The following LAMA3 variants were observed in gnomAD, a reference collection of about 807,000 sequenced individuals.
LAMA3 encodes the protein laminin subunit alpha-3.
In LAMA3, 281 loss-of-function variants were observed where a neutral mutation model predicts 402.0. That is an observed-to-expected ratio of 0.70 (90% confidence interval 0.63 to 0.77). LAMA3 has a LOEUF of 0.77. Among genes scored for constraint, LAMA3 ranks in the 30% least tolerant of loss-of-function variants. The probability of loss-of-function intolerance (pLI) is 0.00; values close to 1 mark genes in which losing one functional copy is unlikely to be tolerated. For missense variants in LAMA3, 3,840 were observed against 4,215.5 expected (o/e 0.91, Z 2.47); for synonymous variants, 1,431 against 1,558.4 (o/e 0.92, Z 1.93).
At chr18:23,924,379 T>TGAGCTCAG (rs1422447258) in intron 62 of LAMA3, among the ~76,000 whole-genome samples, 11 of 151,974 alleles carry the variant, frequency 7.2e-5, no homozygotes, top group Admixed American at 3.9e-4. Context: ...CTTGAACTCC[T>TGAGCTCAG]GAGCTCAGGT....
intron 11 of LAMA3, among the ~76,000 whole-genome samples, chr18:23,780,797 G>C (rs1004887124): frequency 1.3e-5 from 2 of 152,146 alleles, no homozygotes; most frequent in African/African-American, 4.8e-5. Flanking sequence ...AATGTTGAAG[G>C]ATCTATTCTG....
intron 1 of LAMA3, among the ~76,000 whole-genome samples, chr18:23,699,307 A>T (rs2060749060): frequency 6.6e-6 from 1 of 152,160 alleles, no homozygotes; most frequent in Non-Finnish European, 1.5e-5. Flanking sequence ...ATTTCACTTT[A>T]TTTTTGTATG....
intron 26 of LAMA3, 36 bp downstream of exon 26, chr18:23,838,914 C>G: frequency 8.4e-7 from 1 of 1,186,140 alleles, no homozygotes; most frequent in East Asian, 2.3e-5. Flanking sequence ...CGTTCATGTT[C>G]TGAGTGATAC....
chr18:23,758,447 C>T lies in LAMA3; in HGVS notation c.999C>T (p.Cys333=), dbSNP rs1473377036. Residue 333 remains cysteine, a synonymous_variant, in exon 7 of 75, where the codon TGC becomes TGT. Coordinates refer to ENST00000313654, the MANE Select transcript of LAMA3 (RefSeq NM_198129.4). ...CCTGTGGGGAGACGTGTGATCGCTG[C>T]TGCACAGGGTACAATCAGAGGCGCT... is the stretch of plus-strand genomic sequence containing the variant. The part of the protein sequence containing the change: ...HHTCGETCDR[C]CTGYNQRRWR... The T allele has an allele frequency of 5.6e-6, 9 of 1,614,090 alleles. No individual in the cohort carries two copies. The East Asian group carries it at 2.0e-4, about 36-fold the overall frequency.
intron 13 of LAMA3, among the ~76,000 whole-genome samples, chr18:23,811,294 A>ATCTTC (rs1231657959): frequency 1.3e-5 from 2 of 152,144 alleles, no homozygotes; most frequent in Non-Finnish European, 1.5e-5. Flanking sequence ...TGCTACTGTG[A>ATCTTC]AGAGGTGTTT....
At chr18:23,798,550 C>T (rs2062810832) in intron 12 of LAMA3, among the ~76,000 whole-genome samples, 1 of 152,192 alleles carries the variant, frequency 6.6e-6, no homozygotes, top group Non-Finnish European at 1.5e-5. Flanking sequence ...GAGAAGCTCC[C>T]AGCCTTTCCA....
chr18:23,741,058 A>G (rs1329149075), intron 2 of LAMA3, among the ~76,000 whole-genome samples: 3 of 151,278 alleles, frequency 2.0e-5, no homozygotes, highest in Non-Finnish European at 2.9e-5. Flanking sequence ...GGTTCACGCC[A>G]TTCTCCTGCC....
At chr18:23,796,125 G>A in intron 12 of LAMA3, 1 of 426,992 alleles carries the variant, frequency 2.3e-6, no homozygotes, top group Admixed American at 2.6e-5. Flanking sequence ...TCCAGAACTG[G>A]AGAAATAAAT....
At chr18:23,695,428 G>A (rs1386421513) in intron 1 of LAMA3, among the ~76,000 whole-genome samples, 1 of 152,032 alleles carries the variant, frequency 6.6e-6, no homozygotes, top group Non-Finnish European at 1.5e-5. Flanking sequence ...TAGGGTCCTG[G>A]TTTGTGAGAC....
intron 18 of LAMA3, among the ~76,000 whole-genome samples, chr18:23,818,049 G>A (rs113825266): frequency 1.4e-3 from 209 of 152,272 alleles, no homozygotes; most frequent in African/African-American, 4.6e-3. Context: ...CAGCTACTCT[G>A]GAGGCTGAGG....
At chr18:23,887,702 G>A (rs1200007751) in intron 41 of LAMA3, among the ~76,000 whole-genome samples, 1 of 152,212 alleles carries the variant, frequency 6.6e-6, no homozygotes, top group Admixed American at 6.5e-5. Flanking sequence ...TATAGATTAT[G>A]CAGGAGACTA....
chr18:23,735,161 T>C (rs529009936), intron 2 of LAMA3, among the ~76,000 whole-genome samples: 38 of 152,294 alleles, frequency 2.5e-4, no homozygotes, highest in Non-Finnish European at 2.1e-4. Flanking sequence ...GGCAATTGCA[T>C]TTATGAGGCT....
At chr18:23,939,468 C>A in intron 68 of LAMA3, 82 bp downstream of exon 68, 1 of 1,369,108 alleles carries the variant, frequency 7.3e-7, no homozygotes, top group Non-Finnish European at 1.0e-6. Context: ...ACTGCCATGA[C>A]ACCATGCAGC....
At chr18:23,703,901 G>C (rs1354902725) in intron 1 of LAMA3, among the ~76,000 whole-genome samples, 2 of 152,192 alleles carry the variant, frequency 1.3e-5, no homozygotes, top group Non-Finnish European at 2.9e-5. Context: ...ACACCTAAAT[G>C]CCTTTGTGAC....
In LAMA3 at chr18:23,916,630, C is replaced by T. The variant is rs368840701; in HGVS notation, c.7858C>T (p.Pro2620Ser). 1 of 1,613,990 alleles carries T rather than the reference C, an allele frequency of 6.2e-7. No homozygotes were observed. Among genetic ancestry groups the T allele is most frequent in the Non-Finnish European group, 8.5e-7 (1 of 1,179,998 alleles). Residue 2620 changes from proline to serine, a missense_variant, in exon 60 of 75, where the codon CCA becomes TCA. Coordinates refer to ENST00000313654, the MANE Select transcript of LAMA3 (RefSeq NM_198129.4). ...TCCAACTCAACCACATGCTCCCATC[C>T]CAACCTTTGGACAGACAATTCAGAC... The part of the protein sequence containing the change: ...RVPTQPHAPI[P>S]TFGQTIQTTV...
chr18:23,842,469 G>C lies in LAMA3; in HGVS notation c.3411G>C (p.Ala1137=), dbSNP rs34576909. The C allele has an allele frequency of 7.4e-5, 120 of 1,614,076 alleles. No homozygotes were observed. The African/African-American group carries it at 1.5e-3, about 21-fold the overall frequency. Residue 1137 remains alanine (A), a synonymous_variant, in exon 28 of 75, where the codon GCG becomes GCC. Transcript: ENST00000313654. ...YVFVIHFYQA[A]HPTFPAQVSV... ...TTGTCATCCATTTTTACCAAGCAGC[G>C]CACCCGACGTTTCCCGCGCAGGTGT... is the stretch of plus-strand genomic sequence containing the variant.
intron 24 of LAMA3, 199 bp downstream of exon 24, chr18:23,834,187 G>T (rs376106653): frequency 1.6e-6 from 1 of 622,872 alleles, no homozygotes; most frequent in Non-Finnish European, 2.8e-6. Flanking sequence ...GTGTAAAAAT[G>T]TGGCATTTTC....
Position 23,762,862 on chromosome 18 carries a change from T to TA in LAMA3, c.1064-543_1064-542insA, listed in dbSNP as rs1415031884. 5.6e-3 allele frequency among the ~76,000 whole-genome samples: 685 copies of TA among 122,392 alleles called. 5 individuals carry two copies. The highest frequency in any genetic ancestry group is 0.019 in the African/African-American group (539 of 28,232). 80.3% of individuals were successfully genotyped at this position (122,392 alleles called of 152,430 possible). ...CCTCCCAAGTAGTATATATATATAT[T>TA]TTTTTTTTTTTTGAGATGGAGTCTC... On this transcript the variant is annotated intron_variant, in intron 7 of 74. Transcript: ENST00000313654.
intron 55 of LAMA3, among the ~76,000 whole-genome samples, chr18:23,912,025 TTA>T (rs1360144515): frequency 1.4e-5 from 2 of 145,734 alleles, no homozygotes; most frequent in Admixed American, 1.4e-4. Flanking sequence ...TAATACATAA[TTA>T]TATATAAATT....
Sources: allele counts gnomAD v4.1 joint callset (sites outside exome capture counted in the v4.1 genomes callset), GRCh38; gene constraint gnomAD v4.1.1; transcripts MANE v1.5; gene names NCBI Gene and HGNC (gene_info 2026-07-23, HGNC 2026-07-21).